JMJD1C: variants seen among roughly 807,000 people sequenced by gnomAD.
JMJD1C encodes the protein jumonji domain containing 1C.
Under a neutral mutation model 245.3 loss-of-function variants are expected in JMJD1C, and 31 were observed. The observed-to-expected ratio is 0.13, with a 90% CI of 0.09 to 0.17. The LOEUF is 0.17. Among genes scored for constraint, JMJD1C ranks in the 10% least tolerant of loss-of-function variants. The probability of loss-of-function intolerance (pLI) is 1.00; values close to 1 mark genes in which losing one functional copy is unlikely to be tolerated. For synonymous variants in JMJD1C, 1,057 were observed against 1,017.4 expected, an observed-to-expected ratio of 1.04 and a Z score of -0.74; for missense variants, 2,691 against 3,000.2, an observed-to-expected ratio of 0.90 and a Z score of 2.41.
At position 63,214,733 on chromosome 10, in the gene JMJD1C, T is replaced by C; in HGVS notation, c.1434A>G (p.Leu478=). Residue 478 remains leucine (L), a synonymous_variant, in exon 8 of 26, where the codon TTA becomes TTG. Coordinates refer to ENST00000399262, the MANE Select transcript of JMJD1C (RefSeq NM_032776.3). ...STVSDHNSND[L]LPQECNMDKT... ...TATCCATATTGCATTCCTGAGGAAG[T>C]AAATCATTAGAATTATGATCAGAAA... 6.2e-7 allele frequency: 1 copy of C among 1,614,000 alleles called. No individual in the cohort carries two copies. The highest frequency in any genetic ancestry group is 1.3e-5 in the African/African-American group (1 of 75,054).
At chr10:63,268,303 T>C (rs541138039) in intron 2 of JMJD1C, among the ~76,000 whole-genome samples, 2 of 149,794 alleles carry the variant, frequency 1.3e-5, no homozygotes, top group South Asian at 4.2e-4. Flanking sequence ...AGCAGGTCTA[T>C]TGAAAAACAC....
rs973402192 is a variant in JMJD1C at position 63,210,333 on chromosome 10, G to T, written c.2695-1098C>A. Among the ~76,000 whole-genome samples, 8 of 151,658 alleles carry T rather than the reference G, an allele frequency of 5.3e-5. No homozygotes were observed. The East Asian group carries it at 5.8e-4, about 11-fold the overall frequency. On this transcript the variant is annotated intron_variant, in intron 8 of 25. Coordinates refer to ENST00000399262, the MANE Select transcript of JMJD1C (RefSeq NM_032776.3). ...TCTTCACTTTTGGTCAATAGTAGGG[G>T]GTAAGATATTTTTATTTTTCCTCAA...
intron 4 of JMJD1C, chr10:63,217,563 G>C (rs138400195): frequency 6.9e-6 from 2 of 290,944 alleles, no homozygotes; most frequent in Middle Eastern, 1.0e-3. Flanking sequence ...TACTTTAAGA[G>C]AGAAGGAAGG....
chr10:63,396,649 T>A (rs1286363449), intron 1 of JMJD1C, among the ~76,000 whole-genome samples: 4 of 152,150 alleles, frequency 2.6e-5, no homozygotes, highest in Non-Finnish European at 5.9e-5. Flanking sequence ...CAGAAAAGTT[T>A]AGGATATGGA....
intron 10 of JMJD1C, 61 bp from the exon 11 acceptor site, chr10:63,200,738 A>T (rs752410670): frequency 2.8e-6 from 4 of 1,412,926 alleles, no homozygotes; most frequent in Non-Finnish European, 4.0e-6. Context: ...AAACTCCTTG[A>T]GATGAAATTC....
At chr10:63,351,006 CTA>C in intron 2 of JMJD1C, among the ~76,000 whole-genome samples, 1 of 151,636 alleles carries the variant, frequency 6.6e-6, no homozygotes, top group East Asian at 1.9e-4. Context: ...TAATATACAT[CTA>C]TATATATTAC....
At chr10:63,371,896 T>C (rs1374213062) in intron 2 of JMJD1C, among the ~76,000 whole-genome samples, 1 of 152,172 alleles carries the variant, frequency 6.6e-6, no homozygotes, top group Non-Finnish European at 1.5e-5. Flanking sequence ...TTTAACAAAG[T>C]ACAAAAAGAC....
intron 1 of JMJD1C, among the ~76,000 whole-genome samples, chr10:63,483,258 G>A (rs1409887639): frequency 1.3e-5 from 2 of 152,184 alleles, no homozygotes; most frequent in East Asian, 3.8e-4. Context: ...GATAAAGTAT[G>A]ATAGATTAAA....
intron 1 of JMJD1C, among the ~76,000 whole-genome samples, chr10:63,515,774 T>C (rs1042782898): frequency 1.4e-4 from 22 of 152,354 alleles, no homozygotes; most frequent in African/African-American, 3.8e-4. Flanking sequence ...ACACTGGAAA[T>C]TGGAAGTCTT....
intron 2 of JMJD1C, among the ~76,000 whole-genome samples, chr10:63,333,268 G>C (rs1356678672): frequency 2.0e-5 from 3 of 152,088 alleles, no homozygotes; most frequent in Non-Finnish European, 4.4e-5. Context: ...GTATGAGAAA[G>C]GCAGGGCTGG....
intron 15 of JMJD1C, 50 bp downstream of exon 15, chr10:63,193,295 G>T: frequency 6.5e-7 from 1 of 1,527,274 alleles, no homozygotes; most frequent in South Asian, 1.2e-5. Context: ...TATCAAAGTT[G>T]ACTAATTTAA....
At chr10:63,310,105 T>G (rs1178681212) in intron 2 of JMJD1C, among the ~76,000 whole-genome samples, 1 of 152,140 alleles carries the variant, frequency 6.6e-6, no homozygotes, top group Non-Finnish European at 1.5e-5. Flanking sequence ...ACAAAAAATT[T>G]GCAAACTTTA....
intron 2 of JMJD1C, among the ~76,000 whole-genome samples, chr10:63,296,004 T>TAG (rs1859376105): frequency 1.9e-5 from 1 of 51,686 alleles, no homozygotes; most frequent in African/African-American, 9.4e-5. Flanking sequence ...TGTGTGTGTG[T>TAG]ATATATATAT....
At chr10:63,361,630 C>G (rs748189625) in intron 2 of JMJD1C, among the ~76,000 whole-genome samples, 4 of 145,500 alleles carry the variant, frequency 2.7e-5, no homozygotes, top group Non-Finnish European at 4.5e-5. Context: ...GTTAAGGACT[C>G]AGTAAGAATA....
At chr10:63,512,691 T>C (rs2133288706) in intron 1 of JMJD1C, among the ~76,000 whole-genome samples, 1 of 151,884 alleles carries the variant, frequency 6.6e-6, no homozygotes, top group East Asian at 1.9e-4. Flanking sequence ...CTTACCATCT[T>C]TGGTGCTCTC....
At chr10:63,250,043 T>C (rs754156960) in intron 3 of JMJD1C, among the ~76,000 whole-genome samples, 2 of 152,130 alleles carry the variant, frequency 1.3e-5, no homozygotes, top group Non-Finnish European at 2.9e-5. Context: ...AGGGTTTCCC[T>C]CTGTTACCTA....
chr10:63,184,563 A>C, intron 21 of JMJD1C, 45 bp downstream of exon 21: 1 of 1,543,918 alleles, frequency 6.5e-7, no homozygotes, highest in Non-Finnish European at 8.7e-7. Context: ...ATTTTAAAAA[A>C]TCCAATATAA....
chr10:63,373,361 A>G (rs527501756), intron 2 of JMJD1C, among the ~76,000 whole-genome samples: 2 of 152,306 alleles, frequency 1.3e-5, no homozygotes, highest in South Asian at 4.1e-4. Context: ...TGGGTATTAT[A>G]CTATTCATAT....
rs538437906 is a variant in JMJD1C at position 63,347,867 on chromosome 10, T to C, written c.333+32451A>G. Among the ~76,000 whole-genome samples the C allele has an allele frequency of 4.6e-5, 7 of 151,742 alleles. No homozygotes were observed. The South Asian group carries it at 8.4e-4, about 18-fold the overall frequency. On this transcript the variant is annotated intron_variant, in intron 2 of 25. Transcript: ENST00000399262. ...GGGTGGAAGTTGCAGTGAGCTGAGATTGCACCACTGCCCTCCAGCCTAGGC... is the reference window on the plus strand; with the variant it reads ...GGGTGGAAGTTGCAGTGAGCTGAGACTGCACCACTGCCCTCCAGCCTAGGC...
Sources: gnomAD v4.1 joint callset for allele counts (sites outside exome capture counted in the v4.1 genomes callset) on GRCh38, gnomAD v4.1.1 for gene constraint, MANE v1.5 for transcripts, NCBI Gene and HGNC (gene_info 2026-07-23, HGNC 2026-07-21) for gene names.